The following PIK3R3 variants were observed in gnomAD, a reference collection of about 807,000 sequenced individuals.
PIK3R3 encodes the protein phosphatidylinositol 3-kinase regulatory subunit gamma.
A neutral mutation model predicts 62.9 loss-of-function variants in PIK3R3; 64 were observed. The ratio of observed to expected loss-of-function variants is 1.02; its 90% CI spans 0.83 to 1.25. The LOEUF (loss-of-function observed/expected upper bound fraction) is 1.25, where lower values mean the gene tolerates loss of function less well. Ranked by LOEUF, PIK3R3 falls within the 50% of genes most tolerant of loss-of-function variation. The pLI is 0.00. For missense variants in PIK3R3, 614 were observed against 561.6 expected (o/e 1.09, Z -0.94); for synonymous variants, 165 against 189.0 (o/e 0.87, Z 1.04).
chr1:46,041,971 T>C lies in PIK3R3; in HGVS notation c.*1702A>G. The C allele has an allele frequency of 9.1e-6, 2 of 220,138 alleles. No individual in the cohort carries two copies. Among genetic ancestry groups the C allele is most frequent in the Admixed American group, 1.2e-4 (2 of 17,336 alleles). The allele number at this position is 220,138 out of a possible 1,614,324, so 13.6% of individuals were successfully genotyped here. ...TGCTCAGGTAAACTAATATTTTTCT[T>C]TCACCCCCAGAACTAGAGCTTTCCT... On this transcript the variant is annotated 3_prime_UTR_variant, in exon 10 of 10. Transcript: ENST00000262741.
At chr1:46,100,746 C>T (rs1474106719) in intron 1 of PIK3R3, among the ~76,000 whole-genome samples, 1 of 152,106 alleles carries the variant, frequency 6.6e-6, no homozygotes, top group Non-Finnish European at 1.5e-5. Context: ...TATGGTATCC[C>T]AATTACATCT....
In PIK3R3 at chr1:46,127,986, A is replaced by G. The variant is rs78881701; in HGVS notation, c.106+3861T>C. ...AACTTTTACATTACTATGACTGTAG[A>G]TACACCAATCCATGCAGTTATTAGG... On this transcript the variant is annotated intron_variant, in intron 1 of 9. Transcript: ENST00000262741. Among the ~76,000 whole-genome samples the G allele has an allele frequency of 6.7e-3, 1,019 of 152,370 alleles. 13 individuals carry two copies. Among genetic ancestry groups the G allele is most frequent in the African/African-American group, 0.024 (983 of 41,594 alleles).
At chr1:46,058,145 A>T (rs1351680690) in intron 6 of PIK3R3, among the ~76,000 whole-genome samples, 3 of 152,248 alleles carry the variant, frequency 2.0e-5, no homozygotes, top group African/African-American at 4.8e-5. Context: ...TTCAGATGGT[A>T]CAAGCCCCAA....
At chr1:46,098,803 C>T (rs796773) in intron 1 of PIK3R3, among the ~76,000 whole-genome samples, 102,522 of 152,058 alleles carry the variant, frequency 0.67, 34,819 homozygotes, top group Non-Finnish European at 0.71. Flanking sequence ...TGAGTTCAAG[C>T]GATCCTCCCA....
At chr1:46,065,041 T>A (rs140496858) in intron 5 of PIK3R3, among the ~76,000 whole-genome samples, 1 of 152,194 alleles carries the variant, frequency 6.6e-6, no homozygotes, top group Non-Finnish European at 1.5e-5. Flanking sequence ...CGAATCAACA[T>A]AGACTAATGC....
intron 7 of PIK3R3, among the ~76,000 whole-genome samples, chr1:46,048,703 A>T (rs895221467): frequency 3.9e-5 from 6 of 151,928 alleles, no homozygotes; most frequent in African/African-American, 1.5e-4. Flanking sequence ...TTAGGAACTC[A>T]TTTCCTAACA....
At chr1:46,115,134 T>C (rs1244271356) in intron 1 of PIK3R3, among the ~76,000 whole-genome samples, 3 of 152,110 alleles carry the variant, frequency 2.0e-5, no homozygotes, top group Admixed American at 1.3e-4. Context: ...AGCCATCTTG[T>C]ACTACTGGGG....
Position 46,080,749 on chromosome 1 carries a change from A to G in PIK3R3, c.108T>C (p.Ala36=). 6.3e-7 allele frequency: 1 copy of G among 1,599,088 alleles called. No individual in the cohort carries two copies. Residue 36 remains alanine (A), a splice_region_variant and synonymous_variant, in exon 2 of 10, where the codon GCT becomes GCC. Coordinates refer to ENST00000262741, the MANE Select transcript of PIK3R3 (RefSeq NM_003629.4). ...TTGGCTTAGGTGGCTTTGGTGGAAG[A>G]GCTAGAAGAGAAATGAATATTACTC... ...LIFYIEMDPP[A]LPPKPPKPMT...
chr1:46,122,709 T>C (rs1020467446), intron 1 of PIK3R3, among the ~76,000 whole-genome samples: 1 of 152,162 alleles, frequency 6.6e-6, no homozygotes, highest in African/African-American at 2.4e-5. Flanking sequence ...ACAATTTTAC[T>C]CAGAGCTATA....
chr1:46,059,717 C>A (rs1353788059), intron 6 of PIK3R3, among the ~76,000 whole-genome samples: 2 of 152,096 alleles, frequency 1.3e-5, no homozygotes, highest in Non-Finnish European at 2.9e-5. Flanking sequence ...TCCCGTGAGC[C>A]CAGGAGGTTG....
intron 3 of PIK3R3, among the ~76,000 whole-genome samples, chr1:46,070,340 G>C (rs751730659): frequency 2.6e-5 from 4 of 152,230 alleles, no homozygotes; most frequent in Non-Finnish European, 4.4e-5. Context: ...AAAAGCGGCA[G>C]ACTATTCACA....
intron 6 of PIK3R3, among the ~76,000 whole-genome samples, chr1:46,060,054 C>T (rs934329730): frequency 5.3e-5 from 8 of 151,876 alleles, no homozygotes; most frequent in Admixed American, 1.3e-4. Context: ...GAGCCGAAAT[C>T]GCACCACTGC....
At chr1:46,165,774 TTTTTTTTTTTTTTTTG>T in the PIK3R3 span, among the ~76,000 whole-genome samples, 91 of 86,766 alleles carry the variant, frequency 1.0e-3, no homozygotes, top group South Asian at 1.4e-3. Context: ...TTTTTTTTTT[TTTTTTTTTTTTTTTTG>T]AGACTGAGTC....
rs1651573484 is a variant in PIK3R3 at position 46,090,954 on chromosome 1, A to G, written c.107-10204T>C. ...ATGATCTGCCTGGGGTTAGCAAACT[A>G]TGGCCCTCTGCCTGTTTTCCAAGGT... On this transcript the variant is annotated intron_variant, in intron 1 of 9. Coordinates refer to ENST00000262741, the MANE Select transcript of PIK3R3 (RefSeq NM_003629.4). 3.3e-5 allele frequency among the ~76,000 whole-genome samples: 5 copies of G among 152,088 alleles called. No homozygotes were observed. In the South Asian group the frequency reaches 1.0e-3, roughly 32 times the overall value.
chr1:46,054,741 T>C (rs2149383612), intron 7 of PIK3R3, among the ~76,000 whole-genome samples: 1 of 152,368 alleles, frequency 6.6e-6, no homozygotes, highest in East Asian at 1.9e-4. Flanking sequence ...ACACATTTTA[T>C]TCTGATACTA....
At chr1:46,118,580 G>T (rs1423088156) in intron 1 of PIK3R3, among the ~76,000 whole-genome samples, 20 of 145,080 alleles carry the variant, frequency 1.4e-4, no homozygotes, top group African/African-American at 4.6e-4. Flanking sequence ...TTTTGAGATG[G>T]AGTCTCCCTC....
rs556188711 is a variant in PIK3R3 at position 46,053,697 on chromosome 1, T to G, written c.941+2098A>C. Among the ~76,000 whole-genome samples the G allele has an allele frequency of 3.7e-4, 57 of 152,254 alleles. 1 individual carries two copies. In the South Asian group the frequency reaches 0.011, roughly 30 times the overall value. On this transcript the variant is annotated intron_variant, in intron 7 of 9. Coordinates refer to ENST00000262741, the MANE Select transcript of PIK3R3 (RefSeq NM_003629.4). ...CCTAGCCTCTAGAACTGTGAGAAAT[T>G]TCTGGTATTTACAAACTACCCAATT...
chr1:46,131,910 A>G lies in PIK3R3; in HGVS notation c.43T>C (p.Trp15Arg). Residue 15 changes from tryptophan to arginine, a missense_variant, in exon 1 of 10, where the codon TGG becomes CGG. By Grantham distance (101) the Trp-to-Arg change is moderately radical (BLOSUM62 -3). Coordinates refer to ENST00000262741, the MANE Select transcript of PIK3R3 (RefSeq NM_003629.4). ...GAATAGGGCATCATCACCTCCCTCC[A>G]GTCTGCGTCATCGCGGTCCATACTC... ...VWSMDRDDADWREVMMPYSTE... is the reference protein window; with the variant it reads ...VWSMDRDDADRREVMMPYSTE... 4.3e-6 allele frequency: 7 copies of G among 1,613,752 alleles called. No homozygotes were observed. In the South Asian group the frequency reaches 5.5e-5, roughly 13 times the overall value.
intron 1 of PIK3R3, among the ~76,000 whole-genome samples, chr1:46,115,676 A>G (rs1654121524): frequency 6.6e-6 from 1 of 152,242 alleles, no homozygotes; most frequent in African/African-American, 2.4e-5. Flanking sequence ...TCCCGAATTA[A>G]TGTCCTGCAA....
Sources: gnomAD v4.1 joint callset for allele counts (sites outside exome capture counted in the v4.1 genomes callset) on GRCh38, gnomAD v4.1.1 for gene constraint, MANE v1.5 for transcripts, NCBI Gene and HGNC (gene_info 2026-07-23, HGNC 2026-07-21) for gene names.